Variants in FGF12 observed in about 807,000 individuals in gnomAD.
FGF12 encodes the protein fibroblast growth factor 12.
In FGF12, 14 loss-of-function variants were observed where a neutral mutation model predicts 23.6. The observed-to-expected ratio is 0.59, with a 90% CI of 0.39 to 0.93. FGF12 has a LOEUF of 0.93. Ranked by LOEUF, FGF12 falls within the 40% of genes least tolerant of loss-of-function variation. The pLI is 0.00. For synonymous variants in FGF12, 62 were observed against 77.3 expected (o/e 0.80, Z 1.04); for missense variants, 175 against 217.8 (o/e 0.80, Z 1.24).
At chr3:192,553,757 G>C (rs1385623434) in intron 2 of FGF12, among the ~76,000 whole-genome samples, 1 of 152,158 alleles carries the variant, frequency 6.6e-6, no homozygotes, top group African/African-American at 2.4e-5. Flanking sequence ...CTTCTCTCTG[G>C]GGAGGAAACG....
chr3:192,666,600 G>A (rs1029807357), intron 2 of FGF12, among the ~76,000 whole-genome samples: 1 of 152,214 alleles, frequency 6.6e-6, no homozygotes, highest in Non-Finnish European at 1.5e-5. Flanking sequence ...GTAATTATGA[G>A]TAAGAAGATC....
At chr3:192,667,229 T>A (rs1199026926) in intron 2 of FGF12, among the ~76,000 whole-genome samples, 1 of 152,086 alleles carries the variant, frequency 6.6e-6, no homozygotes, top group Non-Finnish European at 1.5e-5. Context: ...AGGATCTATA[T>A]AATAGCATAG....
intron 4 of FGF12, among the ~76,000 whole-genome samples, chr3:192,177,082 G>A (rs987894780): frequency 6.6e-6 from 1 of 152,164 alleles, no homozygotes; most frequent in Admixed American, 6.5e-5. Context: ...CAGGACACAT[G>A]GAGAAATAAA....
chr3:192,687,944 G>T (rs1048597927), intron 2 of FGF12, among the ~76,000 whole-genome samples: 2 of 151,938 alleles, frequency 1.3e-5, no homozygotes, highest in East Asian at 3.9e-4. Context: ...GCACAAGCTT[G>T]CCACTGACCT....
chr3:192,331,007 TAAC>T (rs200477160), intron 4 of FGF12, among the ~76,000 whole-genome samples: 498 of 152,106 alleles, frequency 3.3e-3, no homozygotes, highest in African/African-American at 0.011. Flanking sequence ...TACAACTCAG[TAAC>T]AACAACAACA....
At chr3:192,593,217 C>T (rs1395336100) in intron 2 of FGF12, among the ~76,000 whole-genome samples, 1 of 151,836 alleles carries the variant, frequency 6.6e-6, no homozygotes, top group Non-Finnish European at 1.5e-5. Context: ...ACACTCTGCT[C>T]TTTTGCCTCA....
intron 4 of FGF12, among the ~76,000 whole-genome samples, chr3:192,234,751 G>A (rs568041326): frequency 6.6e-6 from 1 of 152,264 alleles, no homozygotes; most frequent in African/African-American, 2.4e-5. Flanking sequence ...ACAAAGGGAT[G>A]TGATGTTGAA....
intron 4 of FGF12, among the ~76,000 whole-genome samples, chr3:192,233,648 T>C (rs1178455209): frequency 2.0e-5 from 3 of 152,194 alleles, no homozygotes; most frequent in Non-Finnish European, 4.4e-5. Flanking sequence ...TGGTATTTCC[T>C]AGATTTTTTT....
chr3:192,710,927 AT>A (rs1396632176), intron 2 of FGF12, among the ~76,000 whole-genome samples: 1 of 152,160 alleles, frequency 6.6e-6, no homozygotes, highest in Non-Finnish European at 1.5e-5. Flanking sequence ...TCTTTGAGGA[AT>A]CTTGGAAACG....
At chr3:192,601,266 CAGAGAAT>C (rs2108631359) in intron 2 of FGF12, among the ~76,000 whole-genome samples, 1 of 152,084 alleles carries the variant, frequency 6.6e-6, no homozygotes, top group South Asian at 2.1e-4. Context: ...AAAAGTAGAA[CAGAGAAT>C]ACTATAGGCT....
intron 4 of FGF12, among the ~76,000 whole-genome samples, chr3:192,270,553 G>T (rs1713367327): frequency 6.6e-6 from 1 of 152,106 alleles, no homozygotes; most frequent in African/African-American, 2.4e-5. Flanking sequence ...CATTGCAGGA[G>T]CTGACAAACT....
At chr3:192,590,986 C>T (rs1713597860) in intron 2 of FGF12, among the ~76,000 whole-genome samples, 1 of 151,632 alleles carries the variant, frequency 6.6e-6, no homozygotes, top group Admixed American at 6.6e-5. Flanking sequence ...CACTTTCTAA[C>T]AAAACACCAA....
chr3:192,234,692 T>G (rs184886007), intron 4 of FGF12, among the ~76,000 whole-genome samples: 166 of 152,274 alleles, frequency 1.1e-3, no homozygotes, highest in African/African-American at 3.8e-3. Flanking sequence ...TGATTCTTAT[T>G]ATTTTGAGGT....
intron 4 of FGF12, among the ~76,000 whole-genome samples, chr3:192,264,863 G>A (rs181274132): frequency 1.6e-3 from 246 of 152,168 alleles, no homozygotes; most frequent in Non-Finnish European, 2.6e-3. Context: ...GGGATCCACC[G>A]TCTGATGCCA....
chr3:192,286,843 A>G (rs1714474451), intron 4 of FGF12, among the ~76,000 whole-genome samples: 1 of 152,028 alleles, frequency 6.6e-6, no homozygotes, highest in Non-Finnish European at 1.5e-5. Context: ...ACTTTAAGAC[A>G]CTATATATCT....
intron 2 of FGF12, among the ~76,000 whole-genome samples, chr3:192,564,039 T>G (rs1041528036): frequency 9.2e-5 from 14 of 151,528 alleles, no homozygotes; most frequent in Admixed American, 2.6e-4. Context: ...AGTTTTTTGT[T>G]TTTTTTTGTT....
chr3:192,307,755 A>T (rs1042655182), intron 4 of FGF12, among the ~76,000 whole-genome samples: 1 of 152,214 alleles, frequency 6.6e-6, no homozygotes, highest in East Asian at 1.9e-4. Flanking sequence ...GCCACGCAAG[A>T]TGAATCATGC....
chr3:192,582,101 C>T (rs1163100556), intron 2 of FGF12, among the ~76,000 whole-genome samples: 1 of 150,936 alleles, frequency 6.6e-6, no homozygotes, highest in Non-Finnish European at 1.5e-5. Flanking sequence ...CAGATGTTAA[C>T]CTGGTTCACC....
At chr3:192,228,432 G>A (rs1718849797) in intron 4 of FGF12, among the ~76,000 whole-genome samples, 1 of 152,094 alleles carries the variant, frequency 6.6e-6, no homozygotes, top group Admixed American at 6.6e-5. Context: ...ATATAAAAAT[G>A]TAAATAGGCT....
Sources: allele counts gnomAD v4.1 joint callset (sites outside exome capture counted in the v4.1 genomes callset), GRCh38; gene constraint gnomAD v4.1.1; transcripts MANE v1.5; gene names NCBI Gene and HGNC (gene_info 2026-07-23, HGNC 2026-07-21).